PTPRE: variants seen among roughly 807,000 people sequenced by gnomAD.
PTPRE encodes receptor-type tyrosine-protein phosphatase epsilon.
In PTPRE, 51 loss-of-function variants were observed where a neutral mutation model predicts 102.0. That is an observed-to-expected ratio of 0.50 (90% CI 0.40 to 0.63). PTPRE has a LOEUF of 0.63. PTPRE is among the 30% of genes least tolerant of loss of function. The pLI, the probability that PTPRE is intolerant of heterozygous loss-of-function variation, is 0.00. For synonymous variants in PTPRE, 345 were observed against 348.2 expected, an observed-to-expected ratio of 0.99 and a Z score of 0.10; for missense variants, 752 against 915.1, an observed-to-expected ratio of 0.82 and a Z score of 2.30.
At chr10:127,991,757 C>T (rs1266950322) in intron 2 of PTPRE, among the ~76,000 whole-genome samples, 3 of 152,206 alleles carry the variant, frequency 2.0e-5, no homozygotes, top group Non-Finnish European at 4.4e-5. Flanking sequence ...ACTCTGATGA[C>T]TCTGACTGGC....
chr10:127,990,000 A>G (rs1043375846), intron 2 of PTPRE, among the ~76,000 whole-genome samples: 21 of 152,200 alleles, frequency 1.4e-4, no homozygotes, highest in African/African-American at 5.1e-4. Flanking sequence ...TTGAAAAATG[A>G]AGTGGTTGAT....
intron 6 of PTPRE, among the ~76,000 whole-genome samples, chr10:128,052,029 C>A (rs776126278): frequency 6.6e-6 from 1 of 151,988 alleles, no homozygotes; most frequent in Non-Finnish European, 1.5e-5. Context: ...TGCCCACTGG[C>A]TTTTTTACTT....
At chr10:127,973,612 T>C (rs902584936) in intron 1 of PTPRE, among the ~76,000 whole-genome samples, 1 of 152,142 alleles carries the variant, frequency 6.6e-6, no homozygotes, top group Non-Finnish European at 1.5e-5. Context: ...TCCTGAGGAA[T>C]ATCTAACAAA....
intron 7 of PTPRE, 82 bp downstream of exon 7, chr10:128,056,295 G>A: frequency 8.8e-7 from 1 of 1,140,506 alleles, no homozygotes; most frequent in Non-Finnish European, 1.3e-6. Flanking sequence ...CGTGACTGCA[G>A]GCCATTCCTG....
At chr10:128,018,881 C>CAT (rs1461556040) in intron 2 of PTPRE, among the ~76,000 whole-genome samples, 1 of 152,046 alleles carries the variant, frequency 6.6e-6, no homozygotes, top group Admixed American at 6.6e-5. Context: ...CTCACACACA[C>CAT]ACACACACTC....
rs942009534 is a variant in PTPRE, at chr10:127,907,805, C to T, written c.-31+496C>T. 1.1e-4 allele frequency among the ~76,000 whole-genome samples: 17 copies of T among 152,174 alleles called. No homozygotes were observed. Among genetic ancestry groups the T allele is most frequent in the African/African-American group, 4.1e-4 (17 of 41,452 alleles). ...GGCGCTCTGCCAGGATGCTGCCCCG[C>T]AGCCGGGCGGGCGCCCGCGCCTTCC... On this transcript the variant is annotated intron_variant, in intron 1 of 20. Transcript: ENST00000254667. The surrounding 1 kb of genome is among the most constrained non-coding windows in gnomAD (Gnocchi z 4.8).
At chr10:128,009,817 C>T (rs1014439992) in intron 2 of PTPRE, among the ~76,000 whole-genome samples, 4 of 152,206 alleles carry the variant, frequency 2.6e-5, no homozygotes, top group East Asian at 3.8e-4. Flanking sequence ...ATTGTAGTCT[C>T]GTTTCATATG....
intron 1 of PTPRE, among the ~76,000 whole-genome samples, chr10:127,927,411 G>A (rs1246088692): frequency 1.3e-5 from 2 of 152,208 alleles, no homozygotes; most frequent in African/African-American, 4.8e-5. Context: ...GTGGGTAATG[G>A]TGGATCCACT....
chr10:127,908,909 T>C (rs752292083), intron 1 of PTPRE, among the ~76,000 whole-genome samples: 23 of 152,222 alleles, frequency 1.5e-4, no homozygotes, highest in Non-Finnish European at 2.9e-4. Context: ...TCCAGATGGC[T>C]TGGGACTTAG....
At chr10:128,044,633 A>G (rs1590119518) in intron 3 of PTPRE, among the ~76,000 whole-genome samples, 1 of 152,226 alleles carries the variant, frequency 6.6e-6, no homozygotes, top group African/African-American at 2.4e-5. Flanking sequence ...CACTTTGGGC[A>G]ATAGCTAGAC....
chr10:127,963,171 C>T (rs1849965072), intron 1 of PTPRE, among the ~76,000 whole-genome samples: 1 of 152,230 alleles, frequency 6.6e-6, no homozygotes, highest in East Asian at 1.9e-4. Flanking sequence ...TGCTCCCACC[C>T]AAGAGAGGGC....
chr10:127,911,895 A>G (rs955062220), intron 1 of PTPRE, among the ~76,000 whole-genome samples: 1 of 151,804 alleles, frequency 6.6e-6, no homozygotes, highest in African/African-American at 2.4e-5. Flanking sequence ...TTTTTTCACC[A>G]AAAGCAGAGT....
chr10:128,061,556 C>A, intron 8 of PTPRE, 123 bp from the exon 9 acceptor site: 1 of 1,227,888 alleles, frequency 8.1e-7, no homozygotes. Context: ...CCTTCTTAAC[C>A]TTTTCCTGTG....
chr10:127,966,510 C>G (rs905191435), intron 1 of PTPRE, among the ~76,000 whole-genome samples: 1 of 152,104 alleles, frequency 6.6e-6, no homozygotes, highest in Admixed American at 6.5e-5. Flanking sequence ...TAGACATTAC[C>G]ACATACACCC....
At chr10:127,924,168 G>A (rs1846834727) in intron 1 of PTPRE, among the ~76,000 whole-genome samples, 1 of 152,194 alleles carries the variant, frequency 6.6e-6, no homozygotes, top group Non-Finnish European at 1.5e-5. Context: ...ACAAGTTACA[G>A]GGTGACAGGC....
chr10:128,061,842 A>C, intron 9 of PTPRE, 127 bp downstream of exon 9: 3 of 1,148,316 alleles, frequency 2.6e-6, no homozygotes, highest in South Asian at 3.4e-5. Flanking sequence ...CCTAACAGAC[A>C]CGTTAGATAT....
chr10:127,939,617 G>T (rs114438623), intron 1 of PTPRE, among the ~76,000 whole-genome samples: 1,540 of 152,266 alleles, frequency 0.01, 23 homozygotes, highest in African/African-American at 0.035. Flanking sequence ...AGCAACCCAA[G>T]GAGTTGGGTT....
intron 2 of PTPRE, among the ~76,000 whole-genome samples, chr10:128,025,773 C>G (rs146762280): frequency 1.4e-3 from 208 of 151,940 alleles, no homozygotes; most frequent in Non-Finnish European, 2.4e-3. Context: ...CTCCAGGGGA[C>G]CCAGGGAAGC....
At chr10:128,044,093 C>A (rs780241623) in intron 3 of PTPRE, among the ~76,000 whole-genome samples, 2 of 152,100 alleles carry the variant, frequency 1.3e-5, no homozygotes, top group African/African-American at 2.4e-5. Flanking sequence ...TATTTATGAA[C>A]GTAAATTTAT....
Sources: allele counts gnomAD v4.1 joint callset (sites outside exome capture counted in the v4.1 genomes callset), GRCh38; gene constraint gnomAD v4.1.1; non-coding constraint Gnocchi (gnomAD v3.1); transcripts MANE v1.5; gene names NCBI Gene and HGNC (gene_info 2026-07-23, HGNC 2026-07-21).